The following GPM6A variants were observed in gnomAD, a reference collection of about 807,000 sequenced individuals.
GPM6A encodes the protein neuronal membrane glycoprotein M6-a.
GPM6A carries 7 observed loss-of-function variants against 32.1 expected under a neutral mutation model. The ratio of observed to expected loss-of-function variants is 0.22; its 90% CI spans 0.12 to 0.41. The LOEUF is 0.41. GPM6A is among the 10% of genes least tolerant of loss of function. The pLI is 1.00. For missense variants in GPM6A, 235 were observed against 347.2 expected, an observed-to-expected ratio of 0.68 and a Z score of 2.57; for synonymous variants, 130 against 123.4, an observed-to-expected ratio of 1.05 and a Z score of -0.35.
chr4:175,697,228 T>C (rs1435949783), intron 2 of GPM6A, among the ~76,000 whole-genome samples: 1 of 152,154 alleles, frequency 6.6e-6, no homozygotes, highest in African/African-American at 2.4e-5. Context: ...TGGTTTGGAT[T>C]TCTGTATGAT....
chr4:175,755,640 A>T (rs1002234007), intron 1 of GPM6A, among the ~76,000 whole-genome samples: 3 of 152,154 alleles, frequency 2.0e-5, no homozygotes, highest in African/African-American at 7.2e-5. Context: ...AAAATTGCAT[A>T]AAAAAGTTTC....
At chr4:175,685,808 C>A (rs1200286336) in intron 2 of GPM6A, among the ~76,000 whole-genome samples, 1 of 151,964 alleles carries the variant, frequency 6.6e-6, no homozygotes. Flanking sequence ...TTTTTATACA[C>A]CCCCCCACAC....
At chr4:175,841,405 C>G (rs901703228) in intron 1 of GPM6A, among the ~76,000 whole-genome samples, 1 of 151,968 alleles carries the variant, frequency 6.6e-6, no homozygotes, top group Admixed American at 6.6e-5. Context: ...ACGTCCCCCA[C>G]CCTCCAGGAT....
At chr4:175,975,566 G>C (rs1480987830) in intron 1 of GPM6A, among the ~76,000 whole-genome samples, 1 of 152,166 alleles carries the variant, frequency 6.6e-6, no homozygotes, top group African/African-American at 2.4e-5. Context: ...AAAAAATCCA[G>C]ACTTCTCAGC....
chr4:175,949,853 G>A (rs993783242), intron 1 of GPM6A, among the ~76,000 whole-genome samples: 1 of 152,124 alleles, frequency 6.6e-6, no homozygotes, highest in East Asian at 1.9e-4. Context: ...TGATATCTGC[G>A]CTAAGTTGTT....
At chr4:175,802,400 C>G (rs1035088674) in intron 1 of GPM6A, among the ~76,000 whole-genome samples, 1 of 152,050 alleles carries the variant, frequency 6.6e-6, no homozygotes, top group South Asian at 2.1e-4. Context: ...TCTTCCGATA[C>G]CATTGACCAG....
At chr4:175,884,011 G>C (rs1407365021) in intron 1 of GPM6A, among the ~76,000 whole-genome samples, 1 of 152,086 alleles carries the variant, frequency 6.6e-6, no homozygotes, top group African/African-American at 2.4e-5. Flanking sequence ...CAATTTCAAA[G>C]CCAAATCTCA....
At chr4:175,912,684 G>A (rs1738360542) in intron 1 of GPM6A, among the ~76,000 whole-genome samples, 1 of 151,826 alleles carries the variant, frequency 6.6e-6, no homozygotes, top group Non-Finnish European at 1.5e-5. Flanking sequence ...AAGAATAAAG[G>A]TGTCAGTACC....
chr4:175,920,619 A>G (rs1738634501), intron 1 of GPM6A, among the ~76,000 whole-genome samples: 1 of 152,106 alleles, frequency 6.6e-6, no homozygotes, highest in Non-Finnish European at 1.5e-5. Flanking sequence ...AGGCCGAGGC[A>G]GGTGGATTGC....
At chr4:175,947,501 G>A (rs1164459847) in intron 1 of GPM6A, 1 of 151,910 alleles carries the variant, frequency 6.6e-6, no homozygotes, top group African/African-American at 2.4e-5. Flanking sequence ...TCTTAAGTCT[G>A]AAGAACTCAA....
At chr4:175,873,895 A>C (rs1308853110) in intron 1 of GPM6A, among the ~76,000 whole-genome samples, 1 of 152,194 alleles carries the variant, frequency 6.6e-6, no homozygotes, top group Admixed American at 6.5e-5. Context: ...ATTATAGTCC[A>C]TCTTTCTACA....
Position 175,782,632 on chromosome 4 carries a change from A to C in GPM6A, c.37+29559T>G, listed in dbSNP as rs370032781. On this transcript the variant is annotated intron_variant, in intron 1 of 6. Coordinates refer to ENST00000393658, the MANE Select transcript of GPM6A (RefSeq NM_201591.3). ...TTATGTCAGTTTATTACATCCGATTAACTAGTAGAAACACAAGTCATGGAA... is the reference window on the plus strand; with the variant it reads ...TTATGTCAGTTTATTACATCCGATTCACTAGTAGAAACACAAGTCATGGAA... Among the ~76,000 whole-genome samples, 4 of 152,266 alleles carry C rather than the reference A, an allele frequency of 2.6e-5. No homozygotes were observed. In the East Asian group the frequency reaches 7.7e-4, roughly 29 times the overall value.
intron 1 of GPM6A, chr4:175,872,705 T>C (rs1449929059): frequency 1.3e-5 from 2 of 152,166 alleles, no homozygotes; most frequent in East Asian, 3.9e-4. Context: ...CAAGGATTAA[T>C]ATGTAAGCAA....
intron 1 of GPM6A, among the ~76,000 whole-genome samples, chr4:175,956,015 T>C (rs1397968193): frequency 6.6e-6 from 1 of 152,194 alleles, no homozygotes; most frequent in African/African-American, 2.4e-5. Flanking sequence ...AGAGACCCAG[T>C]TGTAAAATAC....
intron 2 of GPM6A, among the ~76,000 whole-genome samples, chr4:175,700,107 C>T (rs1370444658): frequency 6.6e-6 from 1 of 152,058 alleles, no homozygotes; most frequent in Non-Finnish European, 1.5e-5. Context: ...AAGTGATCTG[C>T]CTACCTCAGC....
chr4:175,729,003 T>C (rs898678628), intron 1 of GPM6A, among the ~76,000 whole-genome samples: 3 of 152,206 alleles, frequency 2.0e-5, no homozygotes, highest in African/African-American at 7.2e-5. Context: ...CCCAGGTGGA[T>C]GTGGTTCCAA....
intron 1 of GPM6A, among the ~76,000 whole-genome samples, chr4:175,976,177 TGA>T (rs1740652818): frequency 6.6e-6 from 1 of 150,918 alleles, no homozygotes; most frequent in South Asian, 2.1e-4. Context: ...TTTTTTTTCT[TGA>T]GACGGAGTCT....
At chr4:175,874,106 G>C (rs966572456) in intron 1 of GPM6A, among the ~76,000 whole-genome samples, 6 of 152,122 alleles carry the variant, frequency 3.9e-5, no homozygotes, top group Admixed American at 1.3e-4. Context: ...GAGACGTGAG[G>C]CAGCACCAGG....
intron 1 of GPM6A, among the ~76,000 whole-genome samples, chr4:175,945,925 T>G (rs6857351): frequency 1.3e-5 from 2 of 151,802 alleles, no homozygotes; most frequent in African/African-American, 2.4e-5. Context: ...TGCATATTAC[T>G]TATAACTAAG....
Sources: gnomAD v4.1 joint callset for allele counts (sites outside exome capture counted in the v4.1 genomes callset) on GRCh38, gnomAD v4.1.1 for gene constraint, MANE v1.5 for transcripts, NCBI Gene and HGNC (gene_info 2026-07-23, HGNC 2026-07-21) for gene names.